The following SIDT1 variants were observed in gnomAD, a reference collection of about 807,000 sequenced individuals.
SIDT1 encodes the protein SID1 transmembrane family member 1.
In SIDT1, 101 loss-of-function variants were observed where a neutral mutation model predicts 107.5. That is an observed-to-expected ratio of 0.94 (90% confidence interval 0.80 to 1.11). SIDT1 has a LOEUF of 1.11. Among genes scored for constraint, SIDT1 ranks in the 50% least tolerant of loss-of-function variants. The pLI is 0.00. For synonymous variants in SIDT1, 395 were observed against 398.2 expected (o/e 0.99, Z 0.10); for missense variants, 1,076 against 1,058.2 (o/e 1.02, Z -0.23).
chr3:113,580,030 G>A (rs991303122), intron 4 of SIDT1, among the ~76,000 whole-genome samples: 3 of 152,154 alleles, frequency 2.0e-5, no homozygotes, highest in African/African-American at 7.2e-5. Flanking sequence ...ATGTATTTCT[G>A]GGGACTCCAC....
At chr3:113,626,338 G>A (rs1400501067) in intron 24 of SIDT1, 123 bp downstream of exon 24, 1 of 628,088 alleles carries the variant, frequency 1.6e-6, no homozygotes, top group Non-Finnish European at 2.8e-6. Context: ...TTTCCTCCTT[G>A]TAATTCAATG....
chr3:113,578,466 CA>C (rs1180260673), intron 4 of SIDT1, among the ~76,000 whole-genome samples: 5,224 of 75,052 alleles, frequency 0.07, 125 homozygotes, highest in African/African-American at 0.11. Context: ...GACTCTGTCT[CA>C]AAAAAAAAAA....
chr3:113,559,434 TA>T (rs1472140249), intron 1 of SIDT1, among the ~76,000 whole-genome samples: 1 of 131,584 alleles, frequency 7.6e-6, no homozygotes, highest in Non-Finnish European at 1.6e-5. Context: ...TCTTTTTATT[TA>T]TTTTTTTTTT....
chr3:113,596,769 A>C (rs1368799547), intron 10 of SIDT1, among the ~76,000 whole-genome samples: 1 of 152,204 alleles, frequency 6.6e-6, no homozygotes, highest in Non-Finnish European at 1.5e-5. Flanking sequence ...AGCCTCCCCA[A>C]CAGGCCTCTG....
At chr3:113,534,248 C>T (rs543772999) in intron 1 of SIDT1, among the ~76,000 whole-genome samples, 1 of 151,986 alleles carries the variant, frequency 6.6e-6, no homozygotes, top group South Asian at 2.1e-4. Flanking sequence ...GATATGCCTC[C>T]GTCTGATTCT....
chr3:113,630,138 A>G (rs1273852277), downstream of SIDT1, among the ~76,000 whole-genome samples: 3 of 152,322 alleles, frequency 2.0e-5, no homozygotes, highest in Admixed American at 1.3e-4. Context: ...GTGACTGAGA[A>G]AGCCGGGTTC....
At chr3:113,570,026 C>T (rs1486952528) in intron 3 of SIDT1, among the ~76,000 whole-genome samples, 1 of 152,148 alleles carries the variant, frequency 6.6e-6, no homozygotes, top group Non-Finnish European at 1.5e-5. Context: ...GTGCCTCAGC[C>T]TCCCAAGTAG....
chr3:113,633,231 AG>A (rs1947104720), downstream of SIDT1, among the ~76,000 whole-genome samples: 2 of 152,092 alleles, frequency 1.3e-5, no homozygotes, highest in African/African-American at 4.8e-5. Context: ...TAAAGTAATT[AG>A]GGTGACTCTG....
At chr3:113,634,561 C>T (rs765525380), downstream of SIDT1, among the ~76,000 whole-genome samples, 2 of 151,898 alleles carry the variant, frequency 1.3e-5, no homozygotes, top group Non-Finnish European at 2.9e-5. Context: ...TTTGGGAGGT[C>T]GAGGCAAGTG....
chr3:113,593,244 C>T (rs2107604559), intron 10 of SIDT1, among the ~76,000 whole-genome samples, 196 bp downstream of exon 10: 1 of 152,312 alleles, frequency 6.6e-6, no homozygotes, highest in Non-Finnish European at 1.5e-5. Flanking sequence ...GTCCCAAGCC[C>T]TAGGCCGTGG....
intron 1 of SIDT1, among the ~76,000 whole-genome samples, chr3:113,564,877 C>T (rs1941760953): frequency 6.6e-6 from 1 of 152,128 alleles, no homozygotes; most frequent in Admixed American, 6.5e-5. Flanking sequence ...GAAAACTCTC[C>T]CTTCAGGGCA....
At chr3:113,600,616 C>T (rs1001048119) in intron 10 of SIDT1, among the ~76,000 whole-genome samples, 2 of 152,212 alleles carry the variant, frequency 1.3e-5, no homozygotes, top group Non-Finnish European at 2.9e-5. Flanking sequence ...AGCAGCAAAG[C>T]TCTATGCTGT....
At chr3:113,533,303 G>T in intron 1 of SIDT1, 60 bp downstream of exon 1, 1 of 1,284,926 alleles carries the variant, frequency 7.8e-7, no homozygotes. Flanking sequence ...GAGCCCCGTC[G>T]CTGCTTTGGA....
At chr3:113,621,123 A>AT (rs1170165941) in intron 21 of SIDT1, among the ~76,000 whole-genome samples, 1 of 152,248 alleles carries the variant, frequency 6.6e-6, no homozygotes, top group Non-Finnish European at 1.5e-5. Flanking sequence ...CCTGAGTTAT[A>AT]TATAGGCATA....
At chr3:113,591,037 T>C (rs1433453259) in intron 9 of SIDT1, among the ~76,000 whole-genome samples, 1 of 152,114 alleles carries the variant, frequency 6.6e-6, no homozygotes, top group East Asian at 1.9e-4. Flanking sequence ...AGAATCCTTA[T>C]GAAGGAGACA....
At chr3:113,576,511 G>A (rs1431289136) in intron 3 of SIDT1, among the ~76,000 whole-genome samples, 1 of 152,094 alleles carries the variant, frequency 6.6e-6, no homozygotes, top group African/African-American at 2.4e-5. Context: ...ATTTTGAAAT[G>A]TATCTACATT....
chr3:113,612,321 C>A, intron 19 of SIDT1, 127 bp downstream of exon 19: 1 of 733,966 alleles, frequency 1.4e-6, no homozygotes, highest in Non-Finnish European at 2.4e-6. Flanking sequence ...AATTCTATGC[C>A]ATGTTTAATA....
At chr3:113,535,421 T>C (rs1389406783) in intron 1 of SIDT1, among the ~76,000 whole-genome samples, 3 of 152,190 alleles carry the variant, frequency 2.0e-5, no homozygotes, top group African/African-American at 7.2e-5. Flanking sequence ...GTTTGGAAAA[T>C]GTGAGATCAT....
At chr3:113,598,035 A>C (rs754484842) in intron 10 of SIDT1, among the ~76,000 whole-genome samples, 1 of 152,226 alleles carries the variant, frequency 6.6e-6, no homozygotes. Flanking sequence ...GGCCAATCTC[A>C]TATTTAATTG....
Sources: allele counts gnomAD v4.1 joint callset (sites outside exome capture counted in the v4.1 genomes callset), GRCh38; gene constraint gnomAD v4.1.1; transcripts MANE v1.5; gene names NCBI Gene and HGNC (gene_info 2026-07-23, HGNC 2026-07-21).